The following KLHL32 variants were observed in gnomAD, a reference collection of about 807,000 sequenced individuals.
KLHL32 encodes kelch like family member 32, also known as kelch-like protein 32.
In KLHL32, 35 loss-of-function variants were observed where a neutral mutation model predicts 64.8. The observed-to-expected ratio is 0.54, with a 90% CI of 0.41 to 0.72. The LOEUF (loss-of-function observed/expected upper bound fraction) is 0.72. Ranked by LOEUF, KLHL32 falls within the 30% of genes least tolerant of loss-of-function variation. KLHL32 has a pLI of 0.00. For synonymous variants in KLHL32, 259 were observed against 281.0 expected (o/e 0.92, Z 0.78); for missense variants, 589 against 768.5 (o/e 0.77, Z 2.76).
intron 5 of KLHL32, among the ~76,000 whole-genome samples, chr6:97,082,622 A>T (rs117673290): frequency 0.039 from 5,925 of 151,738 alleles, 138 homozygotes; most frequent in East Asian, 0.073. Context: ...TCAAAAAAAA[A>T]AAATAAATAA....
the KLHL32 span, among the ~76,000 whole-genome samples, chr6:96,916,175 T>C: frequency 2.0e-5 from 3 of 152,194 alleles, no homozygotes; most frequent in Non-Finnish European, 2.9e-5. Flanking sequence ...CTGGATTGGT[T>C]ACAGGTTGGC....
At chr6:97,029,036 A>T (rs1179209146) in intron 3 of KLHL32, among the ~76,000 whole-genome samples, 1 of 152,250 alleles carries the variant, frequency 6.6e-6, no homozygotes, top group Non-Finnish European at 1.5e-5. Context: ...ACTGGCAAGG[A>T]CAAATTTTGT....
rs564900723 is a variant in KLHL32 at position 97,052,133 on chromosome 6, G to A, written c.312+10534G>A. On this transcript the variant is annotated intron_variant, in intron 4 of 10. Coordinates refer to ENST00000369261, the MANE Select transcript of KLHL32 (RefSeq NM_052904.4). ...GTAAAAGAACAAACGAAAGAAGTTTGTGTTTAAAATCCTTTATATTTCAGT... is the reference window on the plus strand; with the variant it reads ...GTAAAAGAACAAACGAAAGAAGTTTATGTTTAAAATCCTTTATATTTCAGT... 2.0e-5 allele frequency among the ~76,000 whole-genome samples: 3 copies of A among 152,340 alleles called. No homozygotes were observed. The East Asian group carries it at 5.8e-4, about 29-fold the overall frequency.
chr6:97,011,649 C>A (rs183855052), intron 3 of KLHL32, among the ~76,000 whole-genome samples: 48 of 152,276 alleles, frequency 3.2e-4, no homozygotes, highest in Non-Finnish European at 6.5e-4. Flanking sequence ...TCAGAGTGAT[C>A]ATTTATCTTG....
intron 1 of KLHL32, among the ~76,000 whole-genome samples, chr6:96,949,237 T>C (rs188209721): frequency 1.3e-5 from 2 of 152,354 alleles, no homozygotes; most frequent in African/African-American, 4.8e-5. Flanking sequence ...TAGGAATTAA[T>C]AACTTTTCAA....
intron 9 of KLHL32, 90 bp downstream of exon 9, chr6:97,131,039 A>G: frequency 1.9e-6 from 2 of 1,068,204 alleles, no homozygotes; most frequent in Middle Eastern, 2.1e-4. Flanking sequence ...ATCACTAAAT[A>G]TTAAGTGCAT....
chr6:97,092,285 G>A (rs1342274950), intron 6 of KLHL32, among the ~76,000 whole-genome samples: 7 of 152,016 alleles, frequency 4.6e-5, no homozygotes, highest in East Asian at 1.9e-4. Flanking sequence ...CACCGTGCCC[G>A]GCCAATTCTC....
chr6:96,931,539 C>T (rs1204906406), intron 1 of KLHL32, among the ~76,000 whole-genome samples: 2 of 152,148 alleles, frequency 1.3e-5, no homozygotes, highest in Non-Finnish European at 2.9e-5. Flanking sequence ...TAAATGTGTT[C>T]TGCTTATACC....
chr6:97,118,560 A>G (rs1798046181), intron 7 of KLHL32, among the ~76,000 whole-genome samples: 1 of 146,982 alleles, frequency 6.8e-6, no homozygotes, highest in Non-Finnish European at 1.5e-5. Context: ...TGGAGGTTGC[A>G]GTGAGGCGAG....
intron 6 of KLHL32, 97 bp from the exon 7 acceptor site, chr6:97,113,686 C>A: frequency 7.1e-7 from 1 of 1,417,526 alleles, no homozygotes; most frequent in Non-Finnish European, 9.6e-7. Flanking sequence ...GTATTATTAC[C>A]TGCCTGGAAG....
chr6:97,103,473 A>T (rs766055467), intron 6 of KLHL32, among the ~76,000 whole-genome samples: 1 of 152,304 alleles, frequency 6.6e-6, no homozygotes, highest in East Asian at 1.9e-4. Context: ...TTGGCCTCCC[A>T]AAGTGCTGGG....
intron 6 of KLHL32, among the ~76,000 whole-genome samples, chr6:97,091,112 A>AATTC (rs1415314489): frequency 2.0e-5 from 3 of 152,182 alleles, no homozygotes; most frequent in Non-Finnish European, 4.4e-5. Flanking sequence ...CAGCTACCCA[A>AATTC]AGGGCAGGTT....
chr6:96,924,558 A>G (rs1333279527), upstream of KLHL32: 1 of 145,920 alleles, frequency 6.9e-6, no homozygotes, highest in Non-Finnish European at 1.5e-5. Context: ...TGTGCGCGGG[A>G]TCGCGGGGGA....
chr6:96,944,015 C>T (rs1771650716), intron 1 of KLHL32, among the ~76,000 whole-genome samples: 1 of 152,106 alleles, frequency 6.6e-6, no homozygotes, highest in Admixed American at 6.6e-5. Flanking sequence ...CAGCATGTGC[C>T]TCTCACTGAA....
intron 3 of KLHL32, among the ~76,000 whole-genome samples, chr6:97,021,953 G>A (rs555948099): frequency 1.3e-5 from 2 of 150,932 alleles, no homozygotes; most frequent in South Asian, 4.1e-4. Flanking sequence ...CAGACTGCTG[G>A]CAGGTCCCCA....
At chr6:97,105,458 G>A (rs1401138240) in intron 6 of KLHL32, 2 of 471,062 alleles carry the variant, frequency 4.2e-6, no homozygotes, top group Non-Finnish European at 8.8e-6. Flanking sequence ...TGGAATTTGT[G>A]CTGCCTTTTG....
At chr6:96,988,530 G>A (rs1211454283) in intron 3 of KLHL32, among the ~76,000 whole-genome samples, 2 of 152,182 alleles carry the variant, frequency 1.3e-5, no homozygotes, top group Non-Finnish European at 2.9e-5. Flanking sequence ...TTCAACCATT[G>A]TGGAAGTCAG....
chr6:97,138,855 A>G (rs551910421), intron 10 of KLHL32, among the ~76,000 whole-genome samples: 6 of 152,312 alleles, frequency 3.9e-5, no homozygotes, highest in African/African-American at 1.4e-4. Context: ...AAGTAATGCT[A>G]CCTACCTCAT....
intron 3 of KLHL32, among the ~76,000 whole-genome samples, chr6:97,012,317 G>A (rs1336937431): frequency 2.6e-5 from 4 of 152,190 alleles, no homozygotes; most frequent in African/African-American, 9.7e-5. Context: ...ATAGAAGAAA[G>A]AGTCAGCAGA....
Sources: gnomAD v4.1 joint callset for allele counts (sites outside exome capture counted in the v4.1 genomes callset) on GRCh38, gnomAD v4.1.1 for gene constraint, MANE v1.5 for transcripts, NCBI Gene and HGNC (gene_info 2026-07-23, HGNC 2026-07-21) for gene names.